The following PIM3 variants were observed in gnomAD, a reference collection of about 807,000 sequenced individuals.
The protein encoded by PIM3 is serine/threonine-protein kinase pim-3.
Under a neutral mutation model 27.5 loss-of-function variants are expected in PIM3, and 13 were observed. The observed-to-expected ratio is 0.47, with a 90% CI of 0.31 to 0.75. The LOEUF is 0.75. Ranked by LOEUF, PIM3 falls within the 30% of genes least tolerant of loss-of-function variation. The probability of loss-of-function intolerance (pLI) is 0.05; values close to 1 mark genes in which losing one functional copy is unlikely to be tolerated. For synonymous variants in PIM3, 341 were observed against 221.1 expected (o/e 1.54, Z -4.81); for missense variants, 482 against 476.9 (o/e 1.01, Z -0.10).
rs543584494 is a variant in PIM3, at chr22:49,962,297, G to T, written c.617-392G>T. ...GCGGCAGAAATCCCCGCATTGCGGA[G>T]CTTGGGGAAGCCGGGGCTCCCCGCC... On this transcript the variant is annotated intron_variant, in intron 4 of 5. Coordinates refer to ENST00000360612, the MANE Select transcript of PIM3 (RefSeq NM_001001852.4). Among the ~76,000 whole-genome samples, 641 of 151,796 alleles carry T rather than the reference G, an allele frequency of 4.2e-3. 6 individuals are homozygous for T. The highest frequency in any genetic ancestry group is 6.7e-3 in the Non-Finnish European group (453 of 67,804).
chr22:49,963,122 TTG>T lies in PIM3; in HGVS notation c.979_980del (p.Ter327ArgfsTer5), dbSNP rs2060918102. On this transcript the variant is annotated frameshift_variant, in exon 6 of 6. Coordinates refer to ENST00000360612, the MANE Select transcript of PIM3 (RefSeq NM_001001852.4). LOFTEE classifies it high-confidence loss of function. ...CAGCACCACGTCCAGCAGCGAGAGC[TTG>T]TGAGGAGCTGCACCTGACTGGGAGC... ...VASTTSSSES[L>X] 1.3e-6 allele frequency: 2 copies of T among 1,598,872 alleles called. No homozygotes were observed. The highest frequency in any genetic ancestry group is 1.7e-6 in the Non-Finnish European group (2 of 1,172,576).
At chr22:49,962,343 C>T (rs917243363) in intron 4 of PIM3, among the ~76,000 whole-genome samples, 2 of 148,420 alleles carry the variant, frequency 1.3e-5, no homozygotes, top group African/African-American at 5.0e-5. Context: ...TCCTCCCTCC[C>T]TCTCTCCCCT....
At chr22:49,962,201 G>A (rs1479452269) in intron 4 of PIM3, among the ~76,000 whole-genome samples, 1 of 151,926 alleles carries the variant, frequency 6.6e-6, no homozygotes, top group East Asian at 1.9e-4. Flanking sequence ...GGCCCCCGCG[G>A]CGCGGTTGGA....
rs895939994 is a variant in PIM3, at chr22:49,961,493, G to A, written c.298G>A (p.Ala100Thr). 1 of 1,495,842 alleles carries A rather than the reference G, an allele frequency of 6.7e-7. No individual in the cohort carries two copies. The highest frequency in any genetic ancestry group is 8.9e-7 in the Non-Finnish European group (1 of 1,126,306). The allele number at this position is 1,495,842 out of a possible 1,614,324, so 92.7% of individuals were successfully genotyped here. ...EVVLLRKVGA[A>T]GGARGVIRLL... Reference sequence around the variant, plus strand: ...GGTGCTGCTGCGCAAGGTGGGCGCGGCGGGCGGCGCGCGCGGCGTCATCCG... The same window carrying A: ...GGTGCTGCTGCGCAAGGTGGGCGCGACGGGCGGCGCGCGCGGCGTCATCCG... The change falls in exon 4 of 6, where the codon GCG becomes ACG. Residue 100 changes from alanine (A) to threonine (T), a missense_variant. Physicochemically the swap from Ala to Thr is moderately conservative, Grantham distance 58. Transcript: ENST00000360612.
At chr22:49,962,630 G>T in intron 4 of PIM3, 59 bp from the exon 5 acceptor site, 2 of 1,534,456 alleles carry the variant, frequency 1.3e-6, no homozygotes. Context: ...CAGGGACCTC[G>T]CCGTCTGTTG....
At chr22:49,961,868 C>T (rs1360312044) in intron 4 of PIM3, 57 bp downstream of exon 4, 14 of 1,592,760 alleles carry the variant, frequency 8.8e-6, no homozygotes, top group African/African-American at 1.3e-5. Context: ...GGGTTAACGC[C>T]TGCAGGGGCG....
chr22:49,963,485 C>T lies in PIM3; in HGVS notation c.*358C>T, dbSNP rs902806006. 9.1e-6 allele frequency: 2 copies of T among 219,456 alleles called. No individual in the cohort carries two copies. The highest frequency in any genetic ancestry group is 4.6e-5 in the African/African-American group (2 of 43,340). The allele number at this position is 219,456 out of a possible 1,614,324, so 13.6% of individuals were successfully genotyped here. A position where few individuals can be genotyped will look rare whatever the true frequency, so the allele number is the denominator to read the frequency against. On this transcript the variant is annotated 3_prime_UTR_variant, in exon 6 of 6. Coordinates refer to ENST00000360612, the MANE Select transcript of PIM3 (RefSeq NM_001001852.4). Reference sequence around the variant, plus strand: ...AGCCCACCTCCCGCCCTCAGTCCTGCGGTGTGCGTCTGGGCACGTCCTGCA... The same window carrying T: ...AGCCCACCTCCCGCCCTCAGTCCTGTGGTGTGCGTCTGGGCACGTCCTGCA...
At chr22:49,961,941 C>G in intron 4 of PIM3, 130 bp downstream of exon 4, 1 of 1,352,100 alleles carries the variant, frequency 7.4e-7, no homozygotes, top group South Asian at 1.3e-5. Flanking sequence ...TCGTGGGGAG[C>G]AGAGGCCCAC....
In PIM3 at chr22:49,961,429, C is replaced by A; in HGVS notation, c.247-13C>A. On this transcript the variant is annotated splice_polypyrimidine_tract_variant and intron_variant, in intron 3 of 5. Transcript: ENST00000360612. ...GCGGGCGCGGGGCTTTTGCTGACCG[C>A]CGTGTCCCCCAGGGCGGCGCGACCG... The A allele has an allele frequency of 7.1e-7, 1 of 1,417,184 alleles. No homozygotes were observed. Among genetic ancestry groups the A allele is most frequent in the Non-Finnish European group, 9.2e-7 (1 of 1,089,844 alleles). The allele number at this position is 1,417,184 out of a possible 1,614,324, so 87.8% of individuals were successfully genotyped here.
In PIM3 at chr22:49,961,380, C is replaced by A; in HGVS notation, c.246+12C>A. ...AGTGGGGCAGCCTGGTAAGTTGGGG[C>A]ACGGGCGGCGGCGGCGGCGGGGGGC... On this transcript the variant is annotated intron_variant, in intron 3 of 5. Transcript: ENST00000360612. 6.8e-7 allele frequency: 1 copy of A among 1,480,726 alleles called. No individual in the cohort carries two copies. Among genetic ancestry groups the A allele is most frequent in the South Asian group, 1.4e-5 (1 of 73,576 alleles). 91.7% of individuals were successfully genotyped at this position (1,480,726 alleles called of 1,614,324 possible).
intron 4 of PIM3, 65 bp from the exon 5 acceptor site, chr22:49,962,624 G>T: frequency 6.6e-7 from 1 of 1,521,712 alleles, no homozygotes; most frequent in African/African-American, 1.4e-5. Flanking sequence ...AACCAGCAGG[G>T]ACCTCGCCGT....
rs1161603994 is a variant in PIM3 at position 49,963,357 on chromosome 22, G to T, written c.*230G>T. The T allele has an allele frequency of 3.9e-6, 2 of 514,026 alleles. No homozygotes were observed. The highest frequency in any genetic ancestry group is 3.9e-5 in the African/African-American group (2 of 50,862). The allele number at this position is 514,026 out of a possible 1,614,324, so 31.8% of individuals were successfully genotyped here. ...CCGGTCGAGGTCCCGCCTGCCCTGG[G>T]TGGATACTTGAACCCCAGACGCCCC... On this transcript the variant is annotated 3_prime_UTR_variant, in exon 6 of 6. Coordinates refer to ENST00000360612, the MANE Select transcript of PIM3 (RefSeq NM_001001852.4).
Position 49,963,317 on chromosome 22 carries a change from C to G in PIM3, c.*190C>G, listed in dbSNP as rs114320081. The G allele has an allele frequency of 4.6e-6, 3 of 651,680 alleles. No homozygotes were observed. The African/African-American group carries it at 5.6e-5, about 12-fold the overall frequency. The allele number at this position is 651,680 out of a possible 1,614,324, so 40.4% of individuals were successfully genotyped here. A position where few individuals can be genotyped will look rare whatever the true frequency, so the allele number is the denominator to read the frequency against. The stretch of plus-strand genomic sequence containing the variant: ...GGGACTTGGTTTTCTCAAGCTCTGT[C>G]TGTCCAAAGACGCTCCGGTCGAGGT... On this transcript the variant is annotated 3_prime_UTR_variant, in exon 6 of 6. Transcript: ENST00000360612.
Position 49,962,683 on chromosome 22 carries a change from C to T in PIM3, c.617-6C>T, listed in dbSNP as rs777250071. ...GGTGGGCGTGCTAAGCCCTGTGTCC[C>T]CTTAGGCACCCGAGTGTACAGCCCC... On this transcript the variant is annotated splice_region_variant and splice_polypyrimidine_tract_variant and intron_variant, in intron 4 of 5. Coordinates refer to ENST00000360612, the MANE Select transcript of PIM3 (RefSeq NM_001001852.4). The T allele has an allele frequency of 5.6e-6, 9 of 1,607,506 alleles. No homozygotes were observed. The East Asian group carries it at 6.7e-5, about 12-fold the overall frequency.
Position 49,961,500 on chromosome 22 carries a change from G to T in PIM3, c.305G>T (p.Gly102Val). The T allele has an allele frequency of 6.7e-7, 1 of 1,497,562 alleles. No homozygotes were observed. Among genetic ancestry groups the T allele is most frequent in the South Asian group, 1.3e-5 (1 of 77,840 alleles). 92.8% of individuals were successfully genotyped at this position (1,497,562 alleles called of 1,614,324 possible). A position where few individuals can be genotyped will look rare whatever the true frequency, so the allele number is the denominator to read the frequency against. Residue 102 changes from glycine to valine, a missense_variant, in exon 4 of 6, where the codon GGC becomes GTC. Physicochemically the swap from Gly to Val is moderately radical, Grantham distance 109. Coordinates refer to ENST00000360612, the MANE Select transcript of PIM3 (RefSeq NM_001001852.4). ...VLLRKVGAAG[G>V]ARGVIRLLDW... ...CTGCGCAAGGTGGGCGCGGCGGGCG[G>T]CGCGCGCGGCGTCATCCGCCTGCTG...
chr22:49,961,519 C>T lies in PIM3; in HGVS notation c.324C>T (p.Arg108=). 5.2e-6 allele frequency: 8 copies of T among 1,524,810 alleles called. No individual in the cohort carries two copies. The highest frequency in any genetic ancestry group is 2.6e-5 in the East Asian group (1 of 37,900). The allele number at this position is 1,524,810 out of a possible 1,614,324, so 94.5% of individuals were successfully genotyped here. Residue 108 remains arginine (R), a synonymous_variant, in exon 4 of 6, where the codon CGC becomes CGT. Transcript: ENST00000360612. ...CGGGCGGCGCGCGCGGCGTCATCCG[C>T]CTGCTGGACTGGTTCGAGCGGCCCG... The part of the protein sequence containing the change: ...GAAGGARGVI[R]LLDWFERPDG...
At chr22:49,962,585 C>T (rs1194472607) in intron 4 of PIM3, 104 bp from the exon 5 acceptor site, 2 of 1,306,680 alleles carry the variant, frequency 1.5e-6, no homozygotes, top group Non-Finnish European at 2.1e-6. Flanking sequence ...AGGCCTGGCT[C>T]TGCTTCCTGT....
chr22:49,962,388 A>T (rs1490912841), intron 4 of PIM3, among the ~76,000 whole-genome samples: 1 of 133,206 alleles, frequency 7.5e-6, no homozygotes, highest in Non-Finnish European at 1.6e-5. Flanking sequence ...GCCGGGCGGT[A>T]AGGGACCCGC....
rs1049567483 is a variant in PIM3, at chr22:49,962,923, C to T, written c.794-17C>T. On this transcript the variant is annotated splice_polypyrimidine_tract_variant and intron_variant, in intron 5 of 5. Coordinates refer to ENST00000360612, the MANE Select transcript of PIM3 (RefSeq NM_001001852.4). ...TCGCCCTGCTTGGGCCCTCCCTGACCTCTCCGCTCCGCACAGAGTGCCAGC... is the reference window on the plus strand; with the variant it reads ...TCGCCCTGCTTGGGCCCTCCCTGACTTCTCCGCTCCGCACAGAGTGCCAGC... 8 of 1,599,384 alleles carry T rather than the reference C, an allele frequency of 5.0e-6. No individual in the cohort carries two copies. Among genetic ancestry groups the T allele is most frequent in the Non-Finnish European group, 4.3e-6 (5 of 1,175,812 alleles).
Sources: allele counts gnomAD v4.1 joint callset (sites outside exome capture counted in the v4.1 genomes callset), GRCh38; gene constraint gnomAD v4.1.1; transcripts MANE v1.5; gene names NCBI Gene and HGNC (gene_info 2026-07-23, HGNC 2026-07-21).